Variants in SMC4 observed in about 807,000 individuals in gnomAD.
SMC4 encodes the protein structural maintenance of chromosomes protein 4.
SMC4 carries 87 observed loss-of-function variants against 145.6 expected under a neutral mutation model. The ratio of observed to expected loss-of-function variants is 0.60; its 90% CI spans 0.50 to 0.71. The LOEUF (loss-of-function observed/expected upper bound fraction) is 0.71, where lower values mean the gene tolerates loss of function less well. SMC4 is among the 30% of genes least tolerant of loss of function. SMC4 has a pLI of 0.00. For missense variants in SMC4, 1,447 were observed against 1,537.1 expected (o/e 0.94, Z 0.98); for synonymous variants, 558 against 500.7 (o/e 1.11, Z -1.53).
In SMC4 at chr3:160,428,784, A is replaced by T; in HGVS notation, c.2637A>T (p.Lys879Asn). The T allele has an allele frequency of 6.3e-7, 1 of 1,591,952 alleles. No homozygotes were observed. The highest frequency in any genetic ancestry group is 1.4e-5 in the African/African-American group (1 of 73,284). The change falls in exon 18 of 24, where the codon AAA becomes AAT. Residue 879 changes from lysine to asparagine, a missense_variant. Physicochemically the swap from Lys to Asn is moderately conservative, Grantham distance 94 (BLOSUM62 0). Transcript: ENST00000357388. ...ATGCTGTGGCTGAGAAAGCTGGTAA[A>T]GTAGAAGCTGAGGTTAAACGCTTAC... Reference protein sequence around the residue: ...EYDAVAEKAGKVEAEVKRLHN... With the variant: ...EYDAVAEKAGNVEAEVKRLHN...
chr3:160,412,721 A>G, intron 7 of SMC4: 1 of 759,724 alleles, frequency 1.3e-6, no homozygotes, highest in South Asian at 4.2e-5. Context: ...TATGTGGTGA[A>G]CTTATCCAAT....
In SMC4 at chr3:160,433,908, T is replaced by C. The variant is rs1435146136; in HGVS notation, c.*99T>C. 2.4e-6 allele frequency: 2 copies of C among 827,466 alleles called. No homozygotes were observed. Among genetic ancestry groups the C allele is most frequent in the African/African-American group, 3.6e-5 (2 of 55,314 alleles). 51.3% of individuals were successfully genotyped at this position (827,466 alleles called of 1,614,324 possible). A position where few individuals can be genotyped will look rare whatever the true frequency, so the allele number is the denominator to read the frequency against. On this transcript the variant is annotated 3_prime_UTR_variant, in exon 24 of 24. Transcript: ENST00000357388. ...TGTATAAAATACATACTCCCTAAAC[T>C]AGATCATGAAACTGGTTTCTGTTTT...
chr3:160,422,207 GTATA>G (rs934546117), intron 13 of SMC4, among the ~76,000 whole-genome samples: 1 of 152,140 alleles, frequency 6.6e-6, no homozygotes, highest in South Asian at 2.1e-4. Flanking sequence ...GTTCTCTTGG[GTATA>G]TATATACCTA....
intron 13 of SMC4, among the ~76,000 whole-genome samples, chr3:160,422,137 T>G (rs547250041): frequency 1.3e-5 from 2 of 152,358 alleles, no homozygotes; most frequent in East Asian, 3.9e-4. Flanking sequence ...TTTTTGTGCT[T>G]TGGCAATACT....
chr3:160,416,526 T>A, intron 10 of SMC4, 111 bp downstream of exon 10: 1 of 600,630 alleles, frequency 1.7e-6, no homozygotes, highest in Non-Finnish European at 2.7e-6. Flanking sequence ...GGACTTTTAA[T>A]GTCCAACATT....
chr3:160,413,745 G>GA (rs200512369), intron 8 of SMC4, 132 bp downstream of exon 8: 28,699 of 418,102 alleles, frequency 0.069, 20 homozygotes, highest in South Asian at 0.11. Flanking sequence ...CCCCCTTAGT[G>GA]AAAAAAAAAA....
Position 160,431,036 on chromosome 3 carries a change from C to T in SMC4, c.2945C>T (p.Ser982Phe). Residue 982 changes from serine (S) to phenylalanine (F), a missense_variant, in exon 20 of 24, where the codon TCC (serine) becomes TTC (phenylalanine). By Grantham distance (155) the Ser-to-Phe change is radical. Transcript: ENST00000357388. ...GCAGTTCTTTTCGGTGTTTAGGAAT[C>T]CTTACCAGAGATCCAGAAAGAACAT... ...VVKNTNAAEE[S>F]LPEIQKEHRN... 6.3e-7 allele frequency: 1 copy of T among 1,598,072 alleles called. No individual in the cohort carries two copies. The highest frequency in any genetic ancestry group is 2.3e-5 in the East Asian group (1 of 44,282).
rs377236583 is a variant in SMC4 at position 160,402,067 on chromosome 3, G to T, written c.292G>T (p.Glu98Ter). ...CCAGAACTTCAAATCCTATGCTGGG[G>T]AGAAAATTCTGGGACCTTTCCATAA... Reference protein sequence around the residue: ...VNQNFKSYAGEKILGPFHKRF... With the variant: ...VNQNFKSYAG Residue 98 changes from glutamate to a stop codon, truncating the protein, a stop_gained, in exon 3 of 24, where the codon GAG becomes TAG. Transcript: ENST00000357388. LOFTEE classifies it high-confidence loss of function. 2.6e-6 allele frequency: 4 copies of T among 1,550,384 alleles called. No homozygotes were observed. Among genetic ancestry groups the T allele is most frequent in the Non-Finnish European group, 3.5e-6 (4 of 1,157,664 alleles).
intron 9 of SMC4, 90 bp downstream of exon 9, chr3:160,414,607 A>G: frequency 4.3e-6 from 5 of 1,161,144 alleles, no homozygotes; most frequent in Non-Finnish European, 5.0e-6. Context: ...GCCTAAGAGA[A>G]TGAATTAGTA....
Position 160,400,818 on chromosome 3 carries a change from C to T in SMC4, c.-5-4C>T, listed in dbSNP as rs2108440038. ...ACTTGCTCCCGGCTGTCCCCCGGCC[C>T]CAGCGACCATGCCCCGTAAAGGCAC... is the stretch of plus-strand genomic sequence containing the variant. On this transcript the variant is annotated splice_polypyrimidine_tract_variant and splice_region_variant and intron_variant, in intron 1 of 23. Transcript: ENST00000357388. 2.0e-6 allele frequency: 3 copies of T among 1,523,724 alleles called. No homozygotes were observed. Among genetic ancestry groups the T allele is most frequent in the Non-Finnish European group, 2.6e-6 (3 of 1,145,626 alleles). 94.4% of individuals were successfully genotyped at this position (1,523,724 alleles called of 1,614,324 possible).
chr3:160,410,064 AGACCCT>A (rs376843874), intron 5 of SMC4, among the ~76,000 whole-genome samples: 1 of 152,178 alleles, frequency 6.6e-6, no homozygotes, highest in African/African-American at 2.4e-5. Flanking sequence ...TGACAGAACA[AGACCCT>A]GTCTCAAAAA....
At position 160,419,420 on chromosome 3, in the gene SMC4, T is replaced by G. The variant is rs1241417145; in HGVS notation, c.1734T>G (p.Asp578Glu). ...EETNFKSLVHDLFQKVEEAKS... is the reference protein window; with the variant it reads ...EETNFKSLVHELFQKVEEAKS... The stretch of plus-strand genomic sequence containing the variant: ...CAAACTTTAAAAGTTTGGTTCATGA[T>G]CTCTTTCAAAAAGTTGAAGAAGCAA... Residue 578 changes from aspartate (D) to glutamate (E), a missense_variant, in exon 12 of 24, where the codon GAT (aspartate) becomes GAG (glutamate). Physicochemically the swap from Asp to Glu is conservative, Grantham distance 45 (BLOSUM62 2). Coordinates refer to ENST00000357388, the MANE Select transcript of SMC4 (RefSeq NM_001002800.3). 5.6e-6 allele frequency: 9 copies of G among 1,611,962 alleles called. No individual in the cohort carries two copies. Among genetic ancestry groups the G allele is most frequent in the Non-Finnish European group, 7.6e-6 (9 of 1,179,548 alleles).
At chr3:160,427,335 G>GC (rs1206532607) in intron 17 of SMC4, among the ~76,000 whole-genome samples, 1 of 152,176 alleles carries the variant, frequency 6.6e-6, no homozygotes, top group Non-Finnish European at 1.5e-5. Context: ...GTATAAAGGA[G>GC]CAAATACAAA....
In SMC4 at chr3:160,417,727, G is replaced by T. The variant is rs756108826; in HGVS notation, c.1442G>T (p.Arg481Leu). Residue 481 changes from arginine (R) to leucine (L), a missense_variant, in exon 11 of 24, where the codon CGA (arginine) becomes CTA (leucine). Coordinates refer to ENST00000357388, the MANE Select transcript of SMC4 (RefSeq NM_001002800.3). ...AATGAACTCATATTTTAACAGAGTC[G>T]AGAGAAAGAACTTATGGGTTTCAGC... ...TQGLQKEKES[R>L]EKELMGFSKS... is the part of the protein sequence containing the mutation. The T allele has an allele frequency of 6.2e-7, 1 of 1,609,504 alleles. No homozygotes were observed. Among genetic ancestry groups the T allele is most frequent in the Admixed American group, 1.7e-5 (1 of 59,700 alleles).
At chr3:160,424,813 A>G in intron 15 of SMC4, 54 bp from the exon 16 acceptor site, 1 of 1,601,332 alleles carries the variant, frequency 6.2e-7, no homozygotes, top group Non-Finnish European at 8.5e-7. Flanking sequence ...TTTTCTTCGT[A>G]AGTTGACTTT....
At chr3:160,416,646 G>A (rs778470458) in intron 10 of SMC4, 69 of 277,560 alleles carry the variant, frequency 2.5e-4, no homozygotes, top group Non-Finnish European at 4.1e-4. Flanking sequence ...AAGGTGTGAT[G>A]TCAAATACAG....
rs376714381 is a variant in SMC4, at chr3:160,400,826, C to T, written c.-1C>T. On this transcript the variant is annotated 5_prime_UTR_variant, in exon 2 of 24. Transcript: ENST00000357388. ...CCGGCTGTCCCCCGGCCCCAGCGAC[C>T]ATGCCCCGTAAAGGCACCCAGCCCT... 8.1e-5 allele frequency: 124 copies of T among 1,535,110 alleles called. No homozygotes were observed. In the African/African-American group the frequency reaches 1.4e-3, roughly 17 times the overall value.
Position 160,423,450 on chromosome 3 carries a change from C to A in SMC4, c.2045C>A (p.Thr682Asn), listed in dbSNP as rs1303180051. 6 of 1,593,494 alleles carry A rather than the reference C, an allele frequency of 3.8e-6. No homozygotes were observed. In the South Asian group the frequency reaches 4.5e-5, roughly 12 times the overall value. The change falls in exon 14 of 24, where the codon ACC (threonine) becomes AAC (asparagine). Residue 682 changes from threonine (T) to asparagine (N), a missense_variant. Transcript: ENST00000357388. ...DKMAVWAKKM[T>N]EIQTPENTPR... Reference sequence around the variant, plus strand: ...ATGGCTGTATGGGCGAAAAAGATGACCGAAATTCAAACTCCTGAAAATACT... The same window carrying A: ...ATGGCTGTATGGGCGAAAAAGATGAACGAAATTCAAACTCCTGAAAATACT...
rs774992051 is a variant in SMC4 at position 160,412,391 on chromosome 3, C to T, written c.918C>T (p.Ile306=). The change falls in exon 7 of 24, where the codon ATC becomes ATT. Residue 306 remains isoleucine, a synonymous_variant. Transcript: ENST00000357388. ...TAGAAGGAGAGAAAAACATAGCTAT[C>T]GAATTTCTTACCTTGGAAAATGAAA... ...DALEGEKNIA[I]EFLTLENEIF... is the part of the protein sequence containing the mutation. 1.9e-6 allele frequency: 3 copies of T among 1,604,084 alleles called. No individual in the cohort carries two copies. The highest frequency in any genetic ancestry group is 1.1e-5 in the South Asian group (1 of 90,608).
Sources: allele counts gnomAD v4.1 joint callset (sites outside exome capture counted in the v4.1 genomes callset), GRCh38; gene constraint gnomAD v4.1.1; transcripts MANE v1.5; gene names NCBI Gene and HGNC (gene_info 2026-07-23, HGNC 2026-07-21).